MAGEC3: variants seen among roughly 807,000 people sequenced by gnomAD.
MAGEC3 encodes melanoma-associated antigen C3.
In MAGEC3, 34 loss-of-function variants were observed where a neutral mutation model predicts 35.3. That is an observed-to-expected ratio of 0.96 (90% confidence interval 0.73 to 1.28). The LOEUF is 1.28. Among genes scored for constraint, MAGEC3 ranks in the 50% most tolerant of loss-of-function variants. The pLI, the probability that MAGEC3 is intolerant of heterozygous loss-of-function variation, is 0.00. For missense variants in MAGEC3, 561 were observed against 483.6 expected, an observed-to-expected ratio of 1.16 and a Z score of -1.50; for synonymous variants, 202 against 185.6, an observed-to-expected ratio of 1.09 and a Z score of -0.72.
At chrX:141,862,203 C>T (rs1003675856) in intron 1 of MAGEC3, among the ~76,000 whole-genome samples, 1 of 111,065 alleles carries the variant, frequency 9.0e-6, no homozygotes, top group Non-Finnish European at 1.9e-5. Flanking sequence ...CTCTAAGCAT[C>T]AGGTAAATAC....
At chrX:141,841,403 C>G (rs1355733572) in intron 1 of MAGEC3, among the ~76,000 whole-genome samples, 1 of 111,837 alleles carries the variant, frequency 8.9e-6, no homozygotes, top group Non-Finnish European at 1.9e-5. Context: ...AAAAAGCTAT[C>G]TATAGTTATT....
chrX:141,896,606 C>T lies in MAGEC3; in HGVS notation c.1124-276C>T, dbSNP rs2179196. 4.4e-4 allele frequency: 523 copies of T among 1,192,454 alleles called. 3 individuals carry two copies. The African/African-American group carries it at 7.9e-3, about 18-fold the overall frequency. On this transcript the variant is annotated intron_variant, in intron 6 of 7. Coordinates refer to ENST00000298296, the MANE Select transcript of MAGEC3 (RefSeq NM_138702.1). ...TCAGGCCTGTGGGATCCCATCATCC[C>T]CATCCCTGCTCACACGTTTACCTGC...
chrX:141,879,185 C>A lies in MAGEC3; in HGVS notation c.269C>A (p.Thr90Asn), dbSNP rs1367657755. 1.3e-5 allele frequency: 15 copies of A among 1,185,533 alleles called. No individual in the cohort carries two copies. Among genetic ancestry groups the A allele is most frequent in the Non-Finnish European group, 1.7e-5 (15 of 881,476 alleles). ...LCPTYFKLWR[T>N]LSGSPGLQLS... is the part of the protein sequence containing the mutation. ...TGTGCCTGCTGCCAGCTCTGGAGGA[C>A]CCTATCAGGGTCCCCAGGTTTACAA... The change falls in exon 3 of 8, where the codon ACC becomes AAC. Residue 90 changes from threonine to asparagine, a missense_variant. Thr to Asn is a moderately conservative substitution (Grantham distance 65). Coordinates refer to ENST00000298296, the MANE Select transcript of MAGEC3 (RefSeq NM_138702.1).
chrX:141,851,135 A>AT (rs1157316657), intron 1 of MAGEC3, among the ~76,000 whole-genome samples: 1 of 110,827 alleles, frequency 9.0e-6, no homozygotes, highest in Non-Finnish European at 1.9e-5. Context: ...AATCCATGTG[A>AT]TTCTTCAGTT....
At position 141,879,313 on chromosome X, in the gene MAGEC3, GA is replaced by G; in HGVS notation, c.398del (p.Glu133GlyfsTer80). 1.7e-6 allele frequency: 2 copies of G among 1,205,946 alleles called. No individual in the cohort carries two copies. Among genetic ancestry groups the G allele is most frequent in the Non-Finnish European group, 2.2e-6 (2 of 892,532 alleles). On this transcript the variant is annotated frameshift_variant, in exon 3 of 8. Transcript: ENST00000298296. LOFTEE classifies it high-confidence loss of function. The stretch of plus-strand genomic sequence containing the variant: ...GGAACCCCAGGACTGGCCACTCAAC[GA>G]GAAGAGAACTCTGTGGAAGGACAGT... ...REEPQDWPLN[E>X]KRTLWKDSDL...
Position 141,854,766 on chromosome X carries a change from T to G in MAGEC3, c.124-10705T>G, listed in dbSNP as rs182074026. ...GCCAGAAAACGGATTAATATGGTGA[T>G]GAATGTTCCAGTCAAAAGATTCTGC... is the stretch of plus-strand genomic sequence containing the variant. On this transcript the variant is annotated intron_variant, in intron 1 of 7. Coordinates refer to ENST00000298296, the MANE Select transcript of MAGEC3 (RefSeq NM_138702.1). Among the ~76,000 whole-genome samples the G allele has an allele frequency of 1.1e-4, 12 of 111,704 alleles. No individual in the cohort carries two copies. In the East Asian group the frequency reaches 3.1e-3, roughly 29 times the overall value.
rs767455313 is a variant in MAGEC3 at position 141,865,504 on chromosome X, G to T, written c.157G>T (p.Ala53Ser). The T allele has an allele frequency of 3.3e-6, 4 of 1,208,997 alleles. No homozygotes were observed. The African/African-American group carries it at 7.0e-5, about 21-fold the overall frequency. Residue 53 changes from alanine (A) to serine (S), a missense_variant, in exon 2 of 8, where the codon GCC becomes TCC. Transcript: ENST00000298296. ...RKKATDKDYS[A>S]FHLGHLREVR... ...AAAGGCCACAGATAAGGACTATTCT[G>T]CCTTTCATCTTGGGCATCTGAGGGA...
At chrX:141,870,776 G>A (rs2017882628) in intron 2 of MAGEC3, among the ~76,000 whole-genome samples, 1 of 111,892 alleles carries the variant, frequency 8.9e-6, no homozygotes, top group Non-Finnish European at 1.9e-5. Context: ...TGCAGATGAA[G>A]TTGGACTTTT....
At chrX:141,854,207 G>A (rs1037384045) in intron 1 of MAGEC3, among the ~76,000 whole-genome samples, 3 of 111,048 alleles carry the variant, frequency 2.7e-5, no homozygotes, top group Non-Finnish European at 3.8e-5. Flanking sequence ...GATATTTAGT[G>A]GTTGCACACA....
intron 1 of MAGEC3, among the ~76,000 whole-genome samples, chrX:141,859,634 A>G (rs2017803087): frequency 9.0e-6 from 1 of 111,397 alleles, no homozygotes; most frequent in Non-Finnish European, 1.9e-5. Context: ...CCTGCACGTA[A>G]CATTTCAAAC....
intron 1 of MAGEC3, among the ~76,000 whole-genome samples, chrX:141,860,099 G>A (rs536394624): frequency 9.0e-6 from 1 of 111,452 alleles, no homozygotes; most frequent in South Asian, 3.8e-4. Context: ...ATCTCTACCT[G>A]GCAAAAGCAG....
At chrX:141,879,582 G>A in intron 3 of MAGEC3, 151 bp downstream of exon 3, 1 of 688,060 alleles carries the variant, frequency 1.5e-6, no homozygotes, top group Non-Finnish European at 2.1e-6. Context: ...GGGTGGAGAA[G>A]GGCCGGGAGG....
intron 1 of MAGEC3, among the ~76,000 whole-genome samples, chrX:141,859,275 T>A (rs2017800760): frequency 9.0e-6 from 1 of 111,262 alleles, no homozygotes; most frequent in African/African-American, 3.3e-5. Flanking sequence ...TTCCTTTTGA[T>A]TTGTATTTCC....
chrX:141,865,324 A>G, intron 1 of MAGEC3, 147 bp from the exon 2 acceptor site: 1 of 499,188 alleles, frequency 2.0e-6, no homozygotes, highest in South Asian at 1.1e-4. Context: ...TTTCTTATAA[A>G]ATTTTATACT....
intron 4 of MAGEC3, among the ~76,000 whole-genome samples, chrX:141,882,614 G>A (rs1252192229): frequency 8.9e-5 from 10 of 112,104 alleles, no homozygotes. Context: ...AATAGACCTG[G>A]CTTTGCTTAG....
rs763780560 is a variant in MAGEC3, at chrX:141,863,778, C to T, written c.124-1693C>T. 5.5e-4 allele frequency among the ~76,000 whole-genome samples: 61 copies of T among 111,735 alleles called. 1 individual carries two copies. The highest frequency in any genetic ancestry group is 2.0e-3 in the African/African-American group (61 of 30,797). On this transcript the variant is annotated intron_variant, in intron 1 of 7. Transcript: ENST00000298296. ...CAAATTAAACCACAATAAGATTCTA[C>T]TACATACTAATTAGAGTGGCTAAAA... is the stretch of plus-strand genomic sequence containing the variant.
At chrX:141,838,645 G>A in intron 1 of MAGEC3, 11 of 748,471 alleles carry the variant, frequency 1.5e-5, no homozygotes, top group Non-Finnish European at 1.7e-5. Flanking sequence ...AATCTCCAGG[G>A]AAACATCAGA....
intron 1 of MAGEC3, among the ~76,000 whole-genome samples, chrX:141,860,851 A>G (rs1418546931): frequency 5.4e-5 from 6 of 111,522 alleles, no homozygotes; most frequent in African/African-American, 1.6e-4. Context: ...TTTGGAATGC[A>G]AAGTGGTTCT....
intron 1 of MAGEC3, among the ~76,000 whole-genome samples, chrX:141,850,110 G>A (rs2017741616): frequency 9.0e-6 from 1 of 111,288 alleles, no homozygotes; most frequent in Non-Finnish European, 1.9e-5. Context: ...TGCTAAGCGA[G>A]TTAATGTAGA....
Sources: allele counts gnomAD v4.1 joint callset (sites outside exome capture counted in the v4.1 genomes callset), GRCh38; gene constraint gnomAD v4.1.1; transcripts MANE v1.5; gene names NCBI Gene and HGNC (gene_info 2026-07-23, HGNC 2026-07-21).